Variants in LZTS3 observed in about 807,000 individuals in gnomAD.
LZTS3 encodes the protein leucine zipper putative tumor suppressor 3.
Under a neutral mutation model 50.9 loss-of-function variants are expected in LZTS3, and 16 were observed. That is an observed-to-expected ratio of 0.31 (90% CI 0.21 to 0.48). The LOEUF (loss-of-function observed/expected upper bound fraction) is 0.48, where lower values mean the gene tolerates loss of function less well. LZTS3 is among the 20% of genes least tolerant of loss of function. The pLI is 0.99. For synonymous variants in LZTS3, 408 were observed against 410.6 expected, an observed-to-expected ratio of 0.99 and a Z score of 0.08; for missense variants, 816 against 931.0, an observed-to-expected ratio of 0.88 and a Z score of 1.61.
Position 3,166,581 on chromosome 20 carries a change from C to T in LZTS3, c.459+124G>A. ...GCCCCAGGTCCCCAGTCCATGACTC[C>T]CCAGCCCAGCCTCCATCCTGCCCCC... On this transcript the variant is annotated intron_variant, in intron 3 of 4. Coordinates refer to ENST00000337576, the MANE Select transcript of LZTS3 (RefSeq NM_001365618.1). 6.9e-6 allele frequency: 9 copies of T among 1,307,274 alleles called. No homozygotes were observed. In the South Asian group the frequency reaches 1.3e-4, roughly 18 times the overall value. The allele number at this position is 1,307,274 out of a possible 1,614,324, so 81.0% of individuals were successfully genotyped here. A position where few individuals can be genotyped will look rare whatever the true frequency, so the allele number is the denominator to read the frequency against.
intron 2 of LZTS3, chr20:3,167,463 G>GCTCAGCC: frequency 2.6e-6 from 2 of 758,332 alleles, no homozygotes; most frequent in Non-Finnish European, 3.1e-6. Context: ...TCAGCTCAGC[G>GCTCAGCC]TTCCATTCCT....
At chr20:3,168,408 A>G (rs1451532526) in intron 1 of LZTS3, 1 of 152,262 alleles carries the variant, frequency 6.6e-6, no homozygotes, top group Non-Finnish European at 1.5e-5. Flanking sequence ...GCGCCTGCCG[A>G]ACCCCGCAAA....
chr20:3,166,390 T>C, intron 3 of LZTS3, 30 bp from the exon 4 acceptor site: 1 of 1,570,204 alleles, frequency 6.4e-7, no homozygotes, highest in Non-Finnish European at 8.6e-7. Flanking sequence ...GGGCTGGGGG[T>C]CAGGATGAGG....
Position 3,163,009 on chromosome 20 carries a change from T to C in LZTS3, c.*1445A>G, listed in dbSNP as rs8182921. 1.3e-5 allele frequency: 2 copies of C among 152,672 alleles called. No individual in the cohort carries two copies. The highest frequency in any genetic ancestry group is 1.3e-4 in the Admixed American group (2 of 15,266). The allele number at this position is 152,672 out of a possible 1,614,324, so 9.5% of individuals were successfully genotyped here. ...CAGCTCATTAAACAGTCACCAGTCA[T>C]GGGAGGAGGCTGGTCAGGGGCTAGG... On this transcript the variant is annotated 3_prime_UTR_variant, in exon 5 of 5. Transcript: ENST00000337576. The surrounding 1 kb of genome is among the most constrained non-coding windows in gnomAD (Gnocchi z 5.2).
intron 1 of LZTS3, among the ~76,000 whole-genome samples, chr20:3,173,076 C>G (rs1178147489): frequency 1.3e-5 from 2 of 152,192 alleles, no homozygotes; most frequent in Non-Finnish European, 2.9e-5. Flanking sequence ...CGCCATTCAC[C>G]AGCAGCCCAC....
rs145676201 is a variant in LZTS3, at chr20:3,167,271, C to T, written c.-18-90G>A. The T allele has an allele frequency of 1.2e-4, 169 of 1,409,758 alleles. No individual in the cohort carries two copies. The African/African-American group carries it at 2.2e-3, about 18-fold the overall frequency. The allele number at this position is 1,409,758 out of a possible 1,614,324, so 87.3% of individuals were successfully genotyped here. A position where few individuals can be genotyped will look rare whatever the true frequency, so the allele number is the denominator to read the frequency against. ...AAGTCAACCCGGCACCGCTCTGCCCCTCAGTGTCCCCTTCCCTACAATGGG... is the reference window on the plus strand; with the variant it reads ...AAGTCAACCCGGCACCGCTCTGCCCTTCAGTGTCCCCTTCCCTACAATGGG... On this transcript the variant is annotated intron_variant, in intron 2 of 4. Coordinates refer to ENST00000337576, the MANE Select transcript of LZTS3 (RefSeq NM_001365618.1).
Position 3,163,482 on chromosome 20 carries a change from AGACTGC to A in LZTS3, c.*966_*971del, listed in dbSNP as rs2066760188. On this transcript the variant is annotated 3_prime_UTR_variant, in exon 5 of 5. Coordinates refer to ENST00000337576, the MANE Select transcript of LZTS3 (RefSeq NM_001365618.1). The surrounding 1 kb of genome is among the most constrained non-coding windows in gnomAD (Gnocchi z 5.2). ...AAGAAAAGGTGAGACTTTGGGGAAG[AGACTGC>A]CTAGGAAGATGATGTGCTGAGCATG... 1 of 152,784 alleles carries A rather than the reference AGACTGC, an allele frequency of 6.5e-6. No individual in the cohort carries two copies. The highest frequency in any genetic ancestry group is 1.5e-5 in the Non-Finnish European group (1 of 68,136). The allele number at this position is 152,784 out of a possible 1,614,324, so 9.5% of individuals were successfully genotyped here. A position where few individuals can be genotyped will look rare whatever the true frequency, so the allele number is the denominator to read the frequency against.
At chr20:3,170,611 C>T (rs7354259) in intron 1 of LZTS3, among the ~76,000 whole-genome samples, 4 of 150,156 alleles carry the variant, frequency 2.7e-5, no homozygotes, top group East Asian at 3.9e-4. Context: ...ACCAACAGGG[C>T]GAAACCCTGC....
intron 1 of LZTS3, among the ~76,000 whole-genome samples, chr20:3,168,869 A>G (rs2066868255): frequency 6.6e-6 from 1 of 152,182 alleles, no homozygotes; most frequent in Non-Finnish European, 1.5e-5. Context: ...CCAGATGCCC[A>G]GTTCTAATGC....
rs2066762020 is a variant in LZTS3 at position 3,163,639 on chromosome 20, C to G, written c.*815G>C. ...ACTTAATAGCTGTGTTAGAGCCGGA[C>G]AGTGGTCCTGGGTGTGGGGTCAGCC... On this transcript the variant is annotated 3_prime_UTR_variant, in exon 5 of 5. Coordinates refer to ENST00000337576, the MANE Select transcript of LZTS3 (RefSeq NM_001365618.1). The surrounding 1 kb of genome is among the most constrained non-coding windows in gnomAD (Gnocchi z 5.2). The G allele has an allele frequency of 6.6e-6, 1 of 152,524 alleles. No individual in the cohort carries two copies. Among genetic ancestry groups the G allele is most frequent in the South Asian group, 2.1e-4 (1 of 4,834 alleles). 9.4% of individuals were successfully genotyped at this position (152,524 alleles called of 1,614,324 possible).
Position 3,165,374 on chromosome 20 carries a change from TC to T in LZTS3, c.1323+122del. On this transcript the variant is annotated intron_variant, in intron 4 of 4. Coordinates refer to ENST00000337576, the MANE Select transcript of LZTS3 (RefSeq NM_001365618.1). The surrounding 1 kb of genome is among the most constrained non-coding windows in gnomAD (Gnocchi z 5.0). ...CACAGACACTCCCAATTGATTTTTG[TC>T]CCCCCTGCTCCTTTCATCCCCCCCC... is the stretch of plus-strand genomic sequence containing the variant. 2 of 1,377,380 alleles carry T rather than the reference TC, an allele frequency of 1.5e-6. No individual in the cohort carries two copies. The highest frequency in any genetic ancestry group is 1.9e-6 in the Non-Finnish European group (2 of 1,048,882). 85.3% of individuals were successfully genotyped at this position (1,377,380 alleles called of 1,614,324 possible).
chr20:3,164,000 T>C lies in LZTS3; in HGVS notation c.*454A>G, dbSNP rs41304812. ...GGAGAGAGGTCTGGAGCCCAGGCTC[T>C]GTCAGTTTCAGCAAACCTGGTGCAG... On this transcript the variant is annotated 3_prime_UTR_variant, in exon 5 of 5. Coordinates refer to ENST00000337576, the MANE Select transcript of LZTS3 (RefSeq NM_001365618.1). The surrounding 1 kb of genome is among the most constrained non-coding windows in gnomAD (Gnocchi z 5.2). 729 of 158,032 alleles carry C rather than the reference T, an allele frequency of 4.6e-3. 2 individuals carry two copies. The highest frequency in any genetic ancestry group is 9.7e-3 in the Middle Eastern group (3 of 310). 9.8% of individuals were successfully genotyped at this position (158,032 alleles called of 1,614,324 possible). A position where few individuals can be genotyped will look rare whatever the true frequency, so the allele number is the denominator to read the frequency against.
chr20:3,166,001 C>T lies in LZTS3; in HGVS notation c.819G>A (p.Leu273=), dbSNP rs938677519. The T allele has an allele frequency of 4.3e-6, 7 of 1,613,366 alleles. No homozygotes were observed. The highest frequency in any genetic ancestry group is 5.9e-6 in the Non-Finnish European group (7 of 1,179,988). Residue 273 remains leucine, a synonymous_variant, in exon 4 of 5, where the codon CTG becomes CTA. Coordinates refer to ENST00000337576, the MANE Select transcript of LZTS3 (RefSeq NM_001365618.1). ...AGGCCCGTCCACTATCGGAGGTCCC[C>T]AGGTCCTGGTAGCCCGACCCCCCAC... ...SSGGGSGYQD[L]GTSDSGRASS... is the part of the protein sequence containing the mutation.
At position 3,165,738 on chromosome 20, in the gene LZTS3, T is replaced by C. The variant is rs779257379; in HGVS notation, c.1082A>G (p.Glu361Gly). Residue 361 changes from glutamate (E) to glycine (G), a missense_variant, in exon 4 of 5, where the codon GAG (glutamate) becomes GGG (glycine). Around this residue, in one of 3 missense-constraint regions of LZTS3, gnomAD observed 700 missense variants for 769.4 expected, o/e 0.91. Coordinates refer to ENST00000337576, the MANE Select transcript of LZTS3 (RefSeq NM_001365618.1). This position sits in a 1 kb window ranked among gnomAD's most constrained non-coding sequence, Gnocchi z 5.0. ...CTGCCGCAGCTCGGCCAGCTCCCGC[T>C]CCCACGCCTTCTGCCGCTCCTCCAG... ...QVLEERQKAWERELAELRQGC... is the reference protein window; with the variant it reads ...QVLEERQKAWGRELAELRQGC... The C allele has an allele frequency of 1.7e-5, 26 of 1,575,122 alleles. No homozygotes were observed. Among genetic ancestry groups the C allele is most frequent in the Non-Finnish European group, 2.2e-5 (26 of 1,168,306 alleles).
In LZTS3 at chr20:3,165,515, T is replaced by C; in HGVS notation, c.1305A>G (p.Ile435Met). 1.9e-6 allele frequency: 3 copies of C among 1,545,070 alleles called. No homozygotes were observed. Among genetic ancestry groups the C allele is most frequent in the Non-Finnish European group, 2.6e-6 (3 of 1,151,336 alleles). Reference protein sequence around the residue: ...QKEQADFLPRIEETKWEVCQK... With the variant: ...QKEQADFLPRMEETKWEVCQK... ...CCCGCACCTCCCACTTAGTTTCCTC[T>C]ATCCGGGGCAGGAAGTCGGCCTGCT... The change falls in exon 4 of 5, where the codon ATA becomes ATG. Residue 435 changes from isoleucine (I) to methionine (M), a missense_variant. Around this residue, in one of 3 missense-constraint regions of LZTS3, gnomAD observed 700 missense variants for 769.4 expected, o/e 0.91. Transcript: ENST00000337576. The surrounding 1 kb of genome is among the most constrained non-coding windows in gnomAD (Gnocchi z 5.0).
At chr20:3,166,447 C>A in intron 3 of LZTS3, 87 bp from the exon 4 acceptor site, 1 of 1,442,334 alleles carries the variant, frequency 6.9e-7, no homozygotes, top group South Asian at 1.4e-5. Context: ...ACTTGTCCAG[C>A]CCCACCTCCC....
Position 3,165,968 on chromosome 20 carries a change from C to T in LZTS3, c.852G>A (p.Lys284=), listed in dbSNP as rs774027479. Residue 284 remains lysine (K), a synonymous_variant, in exon 4 of 5, where the codon AAG becomes AAA. Transcript: ENST00000337576. This position sits in a 1 kb window ranked among gnomAD's most constrained non-coding sequence, Gnocchi z 5.0. Reference sequence around the variant, plus strand: ...GCCCCATAGATGACGACGACCCACTCTTGCTGGAGGCCCGTCCACTATCGG... The same window carrying T: ...GCCCCATAGATGACGACGACCCACTTTTGCTGGAGGCCCGTCCACTATCGG... ...GTSDSGRASS[K]SGSSSSMGRP... The T allele has an allele frequency of 3.7e-6, 6 of 1,613,332 alleles. No individual in the cohort carries two copies. The African/African-American group carries it at 8.0e-5, about 21-fold the overall frequency.
Position 3,166,782 on chromosome 20 carries a change from T to C in LZTS3, c.382A>G (p.Ser128Gly). 6.2e-7 allele frequency: 1 copy of C among 1,613,886 alleles called. No homozygotes were observed. Among genetic ancestry groups the C allele is most frequent in the Non-Finnish European group, 8.5e-7 (1 of 1,180,028 alleles). Reference sequence around the variant, plus strand: ...CGATACTGCGGTGGGGCTTTGTCACTGCCACCACTGCTGCTGCTGCCTCCG... The same window carrying C: ...CGATACTGCGGTGGGGCTTTGTCACCGCCACCACTGCTGCTGCTGCCTCCG... ...SSGGSSSSGG[S>G]DKAPPQYREP... The change falls in exon 3 of 5, where the codon AGT (serine) becomes GGT (glycine). Residue 128 changes from serine to glycine, a missense_variant. By Grantham distance (56) the Ser-to-Gly change is moderately conservative. Coordinates refer to ENST00000337576, the MANE Select transcript of LZTS3 (RefSeq NM_001365618.1).
In LZTS3 at chr20:3,165,201, C is replaced by T; in HGVS notation, c.1324-49G>A. ...GAAGCCAGGTAAAGGCAGAGCTCTGCTCACCCCAACCCAGCTACCAGATCT... is the reference window on the plus strand; with the variant it reads ...GAAGCCAGGTAAAGGCAGAGCTCTGTTCACCCCAACCCAGCTACCAGATCT... On this transcript the variant is annotated intron_variant, in intron 4 of 4. Transcript: ENST00000337576. The surrounding 1 kb of genome is among the most constrained non-coding windows in gnomAD (Gnocchi z 5.0). 1 of 1,449,008 alleles carries T rather than the reference C, an allele frequency of 6.9e-7. No individual in the cohort carries two copies. The highest frequency in any genetic ancestry group is 9.1e-7 in the Non-Finnish European group (1 of 1,093,304). 89.8% of individuals were successfully genotyped at this position (1,449,008 alleles called of 1,614,324 possible).
Sources: gnomAD v4.1 joint callset for allele counts (sites outside exome capture counted in the v4.1 genomes callset) on GRCh38, gnomAD v4.1.1 for gene constraint, gnomAD v4.1.1 regional missense constraint, Gnocchi (gnomAD v3.1) non-coding constraint, MANE v1.5 for transcripts, NCBI Gene and HGNC (gene_info 2026-07-23, HGNC 2026-07-21) for gene names.